The following CHRNA7 variants were observed in gnomAD, a reference collection of about 807,000 sequenced individuals.
CHRNA7 encodes neuronal acetylcholine receptor subunit alpha-7.
Under a neutral mutation model 48.0 loss-of-function variants are expected in CHRNA7, and 17 were observed. The ratio of observed to expected loss-of-function variants is 0.35; its 90% CI spans 0.24 to 0.53. The LOEUF (loss-of-function observed/expected upper bound fraction) is 0.53, where lower values mean the gene tolerates loss of function less well. Ranked by LOEUF, CHRNA7 falls within the 20% of genes least tolerant of loss-of-function variation. CHRNA7 has a pLI of 0.92. For missense variants in CHRNA7, 155 were observed against 577.7 expected, an observed-to-expected ratio of 0.27 and a Z score of 7.50; for synonymous variants, 75 against 242.3, an observed-to-expected ratio of 0.31 and a Z score of 6.41.
intron 2 of CHRNA7, among the ~76,000 whole-genome samples, chr15:32,074,666 A>ATTATTATTATTATTTTTT (rs991862925): frequency 4.7e-5 from 5 of 107,390 alleles, no homozygotes; most frequent in African/African-American, 1.6e-4. Context: ...TATTATTATT[A>ATTATTATTATTATTTTTT]TTTTTGAGAC....
chr15:32,060,474 G>A (rs1043339741), intron 2 of CHRNA7, among the ~76,000 whole-genome samples: 17 of 152,060 alleles, frequency 1.1e-4, no homozygotes, highest in African/African-American at 4.1e-4. Context: ...ATAGAAATAG[G>A]ATATAAAGTT....
At chr15:32,066,284 ATTT>A (rs35118714) in intron 2 of CHRNA7, among the ~76,000 whole-genome samples, 4 of 145,618 alleles carry the variant, frequency 2.7e-5, no homozygotes, top group Admixed American at 6.8e-5. Context: ...ACATTATAGT[ATTT>A]TTTTTTTTTT....
chr15:32,091,768 C>T (rs916979319), intron 2 of CHRNA7, among the ~76,000 whole-genome samples: 6 of 152,206 alleles, frequency 3.9e-5, no homozygotes, highest in Admixed American at 3.3e-4. Context: ...CTCCTGCACT[C>T]TGCTATGGTG....
rs372841547 is a variant in CHRNA7 at position 32,111,861 on chromosome 15, T to A, written c.312T>A (p.Asp104Glu). Residue 104 changes from aspartate to glutamate, a missense_variant, in exon 4 of 10, where the codon GAT becomes GAA. Coordinates refer to ENST00000306901, the MANE Select transcript of CHRNA7 (RefSeq NM_000746.6). ...GGGTGAAGACTGTTCGTTTCCCAGA[T>A]GGCCAGATTTGGAAACCAGACATTC... Reference protein sequence around the residue: ...YPGVKTVRFPDGQIWKPDILL... With the variant: ...YPGVKTVRFPEGQIWKPDILL... 2.4e-5 allele frequency: 38 copies of A among 1,613,386 alleles called. No homozygotes were observed. The African/African-American group carries it at 4.8e-4, about 20-fold the overall frequency.
At chr15:32,139,581 G>GT (rs35818203) in intron 4 of CHRNA7, among the ~76,000 whole-genome samples, 75,461 of 147,418 alleles carry the variant, frequency 0.51, 19,051 homozygotes, top group South Asian at 0.68. Flanking sequence ...TGGTGTCTCA[G>GT]TTTTTTTTTT....
At chr15:32,053,689 G>A (rs558466591) in intron 2 of CHRNA7, among the ~76,000 whole-genome samples, 56 of 152,130 alleles carry the variant, frequency 3.7e-4, no homozygotes, top group Non-Finnish European at 6.3e-4. Context: ...TGAAGATACC[G>A]CAGAGGCCTT....
chr15:32,101,750 C>G, intron 3 of CHRNA7: 1 of 174,010 alleles, frequency 5.7e-6, no homozygotes, highest in Non-Finnish European at 1.2e-5. Context: ...TGTTCCGAAA[C>G]CAGAGGCCCT....
chr15:32,036,940 A>T (rs1025808944), intron 2 of CHRNA7, among the ~76,000 whole-genome samples: 1 of 151,920 alleles, frequency 6.6e-6, no homozygotes, highest in Non-Finnish European at 1.5e-5. Flanking sequence ...CTTTAGTGAA[A>T]CCCATCTTTT....
At chr15:32,054,289 A>G (rs2049744849) in intron 2 of CHRNA7, among the ~76,000 whole-genome samples, 1 of 152,172 alleles carries the variant, frequency 6.6e-6, no homozygotes, top group Non-Finnish European at 1.5e-5. Flanking sequence ...TTAAGTGCAA[A>G]TGGATGAAAT....
chr15:32,068,830 G>A (rs758233005), intron 2 of CHRNA7, among the ~76,000 whole-genome samples: 1 of 152,024 alleles, frequency 6.6e-6, no homozygotes, highest in Non-Finnish European at 1.5e-5. Flanking sequence ...TACATATGAC[G>A]TATCAATGGG....
At chr15:32,033,828 A>G (rs755531140) in intron 2 of CHRNA7, among the ~76,000 whole-genome samples, 4 of 152,042 alleles carry the variant, frequency 2.6e-5, no homozygotes, top group Non-Finnish European at 5.9e-5. Flanking sequence ...TGGTTTTCCT[A>G]CTCCCAAATA....
At chr15:32,056,421 T>C (rs2049789727) in intron 2 of CHRNA7, among the ~76,000 whole-genome samples, 1 of 152,228 alleles carries the variant, frequency 6.6e-6, no homozygotes, top group African/African-American at 2.4e-5. Flanking sequence ...ATTTTGTTTT[T>C]CAAGAGTTGT....
At chr15:32,077,073 T>A (rs2050146380) in intron 2 of CHRNA7, among the ~76,000 whole-genome samples, 1 of 152,168 alleles carries the variant, frequency 6.6e-6, no homozygotes. Flanking sequence ...AGATTTGACT[T>A]CTTTCACATA....
At chr15:32,129,516 C>A (rs984491901) in intron 4 of CHRNA7, among the ~76,000 whole-genome samples, 1 of 151,844 alleles carries the variant, frequency 6.6e-6, no homozygotes, top group African/African-American at 2.4e-5. Context: ...TGGTGCATTT[C>A]ATTTAAGTTG....
rs545747306 is a variant in CHRNA7, at chr15:32,054,312, T to A, written c.195+23275T>A. Among the ~76,000 whole-genome samples, 15 of 152,272 alleles carry A rather than the reference T, an allele frequency of 9.9e-5. No homozygotes were observed. In the South Asian group the frequency reaches 3.1e-3, roughly 32 times the overall value. On this transcript the variant is annotated intron_variant, in intron 2 of 9. Coordinates refer to ENST00000306901, the MANE Select transcript of CHRNA7 (RefSeq NM_000746.6). Reference sequence around the variant, plus strand: ...AAATGGATGAAATTTACAATTGAAATCACTAGTCAGGAAACAGTTTGTTTA... The same window carrying A: ...AAATGGATGAAATTTACAATTGAAAACACTAGTCAGGAAACAGTTTGTTTA...
Position 32,111,773 on chromosome 15 carries a change from G to A in CHRNA7, c.241-17G>A. The A allele has an allele frequency of 2.0e-6, 3 of 1,493,516 alleles. No individual in the cohort carries two copies. In the South Asian group the frequency reaches 3.4e-5, roughly 17 times the overall value. 92.5% of individuals were successfully genotyped at this position (1,493,516 alleles called of 1,614,324 possible). ...GCCAAGGAAGTGAAGTGCTGCTAAT[G>A]TCATTGTGTGTGTCAGTCTTGGACA... On this transcript the variant is annotated splice_polypyrimidine_tract_variant and intron_variant, in intron 3 of 9. Coordinates refer to ENST00000306901, the MANE Select transcript of CHRNA7 (RefSeq NM_000746.6).
chr15:32,119,407 C>G (rs1291603635), intron 4 of CHRNA7, among the ~76,000 whole-genome samples: 1 of 152,210 alleles, frequency 6.6e-6, no homozygotes, highest in Non-Finnish European at 1.5e-5. Context: ...ATCAATTGCC[C>G]TGAGGCGGGA....
At chr15:32,058,747 C>T (rs540954790) in intron 2 of CHRNA7, among the ~76,000 whole-genome samples, 2 of 152,218 alleles carry the variant, frequency 1.3e-5, no homozygotes, top group Admixed American at 1.3e-4. Context: ...GGGGGCAGAA[C>T]TAGAGTGGGC....
chr15:32,132,314 A>G (rs927063642), intron 4 of CHRNA7, among the ~76,000 whole-genome samples: 3 of 152,160 alleles, frequency 2.0e-5, no homozygotes, highest in Admixed American at 6.5e-5. Flanking sequence ...TGGAATAGGT[A>G]AGATAAATAG....
Sources: allele counts gnomAD v4.1 joint callset (sites outside exome capture counted in the v4.1 genomes callset), GRCh38; gene constraint gnomAD v4.1.1; transcripts MANE v1.5; gene names NCBI Gene and HGNC (gene_info 2026-07-23, HGNC 2026-07-21).